ESYT3: variants seen among roughly 807,000 people sequenced by gnomAD.
ESYT3 encodes extended synaptotagmin 3.
ESYT3 carries 101 observed loss-of-function variants against 111.5 expected under a neutral mutation model. That is an observed-to-expected ratio of 0.91 (90% CI 0.77 to 1.07). ESYT3 has a LOEUF of 1.07. ESYT3 is among the 50% of genes least tolerant of loss of function. ESYT3 has a pLI of 0.00. For synonymous variants in ESYT3, 416 were observed against 446.8 expected (o/e 0.93, Z 0.87); for missense variants, 1,097 against 1,109.4 (o/e 0.99, Z 0.16).
In ESYT3 at chr3:138,478,402, G is replaced by A. The variant is rs939241922; in HGVS notation, c.*1548G>A. The A allele has an allele frequency of 1.3e-5, 2 of 152,152 alleles. No homozygotes were observed. Among genetic ancestry groups the A allele is most frequent in the African/African-American group, 2.4e-5 (1 of 41,436 alleles). 9.4% of individuals were successfully genotyped at this position (152,152 alleles called of 1,614,324 possible). A position where few individuals can be genotyped will look rare whatever the true frequency, so the allele number is the denominator to read the frequency against. On this transcript the variant is annotated 3_prime_UTR_variant, in exon 23 of 23. Transcript: ENST00000389567. ...TGGCAAATTCTCATAATAAAATGGA[G>A]CATTGATGCCTACCCTGTCTACCTT...
In ESYT3 at chr3:138,461,343, T is replaced by G. The variant is rs139381360; in HGVS notation, c.794+677T>G. Among the ~76,000 whole-genome samples, 394 of 152,158 alleles carry G rather than the reference T, an allele frequency of 2.6e-3. 1 individual carries two copies. The highest frequency in any genetic ancestry group is 4.1e-3 in the Non-Finnish European group (281 of 67,982). Reference sequence around the variant, plus strand: ...AGTGAGGAGTAGCTGGTCCTGGAGATCTCACCATCTGGGGGCAAGTGAAGG... The same window carrying G: ...AGTGAGGAGTAGCTGGTCCTGGAGAGCTCACCATCTGGGGGCAAGTGAAGG... On this transcript the variant is annotated intron_variant, in intron 7 of 22. Coordinates refer to ENST00000389567, the MANE Select transcript of ESYT3 (RefSeq NM_031913.5).
intron 1 of ESYT3, among the ~76,000 whole-genome samples, chr3:138,437,706 GA>G (rs1391924389): frequency 6.6e-6 from 1 of 152,140 alleles, no homozygotes; most frequent in African/African-American, 2.4e-5. Context: ...GGCCAGTTGG[GA>G]AGGTGATTTC....
rs574739325 is a variant in ESYT3, at chr3:138,435,635, C to A, written c.327+510C>A. Among the ~76,000 whole-genome samples the A allele has an allele frequency of 1.3e-5, 2 of 152,142 alleles. No individual in the cohort carries two copies. The highest frequency in any genetic ancestry group is 4.2e-4 in the South Asian group (2 of 4,816). On this transcript the variant is annotated intron_variant, in intron 1 of 22. Transcript: ENST00000389567. This position sits in a 1 kb window ranked among gnomAD's most constrained non-coding sequence, Gnocchi z 4.8. ...CTCCGCGGGGCTGGAGGTGGAGTGG[C>A]GGGTACGGCTGGGAGACCGACGGCG...
chr3:138,479,051 C>G lies in ESYT3; in HGVS notation c.*2197C>G, dbSNP rs2033610370. On this transcript the variant is annotated 3_prime_UTR_variant, in exon 23 of 23. Transcript: ENST00000389567. Reference sequence around the variant, plus strand: ...GCAGATGGCTGTCACTAAAGGGAAACTCACGGGCAAAAATAAATTATGAAA... The same window carrying G: ...GCAGATGGCTGTCACTAAAGGGAAAGTCACGGGCAAAAATAAATTATGAAA... The G allele has an allele frequency of 6.6e-6, 1 of 152,036 alleles. No homozygotes were observed. Among genetic ancestry groups the G allele is most frequent in the Non-Finnish European group, 1.5e-5 (1 of 68,020 alleles). The allele number at this position is 152,036 out of a possible 1,614,324, so 9.4% of individuals were successfully genotyped here.
At chr3:138,465,850 A>G (rs189436090) in intron 10 of ESYT3, among the ~76,000 whole-genome samples, 4 of 152,298 alleles carry the variant, frequency 2.6e-5, no homozygotes, top group Non-Finnish European at 5.9e-5. Context: ...CTGGCTATCA[A>G]AATTTAAAAC....
chr3:138,453,446 G>A (rs1475891268), intron 2 of ESYT3, among the ~76,000 whole-genome samples: 1 of 152,190 alleles, frequency 6.6e-6, no homozygotes, highest in African/African-American at 2.4e-5. Context: ...AAGACAGGAA[G>A]ATGAGACCAG....
intron 6 of ESYT3, 140 bp downstream of exon 6, chr3:138,460,174 A>T (rs138591151): frequency 8.7e-6 from 6 of 688,118 alleles, no homozygotes; most frequent in Non-Finnish European, 1.5e-5. Flanking sequence ...TCCTTATCTC[A>T]TTTAATCCTT....
chr3:138,472,941 A>G (rs943249899), intron 18 of ESYT3, 82 bp downstream of exon 18: 10 of 1,526,632 alleles, frequency 6.6e-6, no homozygotes, highest in Non-Finnish European at 7.9e-6. Context: ...ATATGAACTT[A>G]CATTTCTGTG....
chr3:138,446,277 G>T (rs2031533346), intron 1 of ESYT3, among the ~76,000 whole-genome samples: 7 of 152,210 alleles, frequency 4.6e-5, no homozygotes. Context: ...AGGAGTAGTG[G>T]ACGAAGTGGA....
intron 16 of ESYT3, 95 bp downstream of exon 16, chr3:138,470,241 G>A: frequency 6.8e-7 from 1 of 1,474,674 alleles, no homozygotes; most frequent in Non-Finnish European, 9.1e-7. Context: ...GGTTCTCCTG[G>A]CAGCGTTTAA....
chr3:138,473,136 A>G, intron 18 of ESYT3: 1 of 1,354,516 alleles, frequency 7.4e-7, no homozygotes, highest in Admixed American at 3.4e-5. Flanking sequence ...TACTGGGATG[A>G]CATGGAAAGC....
At chr3:138,460,828 G>T (rs1431124630) in intron 7 of ESYT3, among the ~76,000 whole-genome samples, 162 bp downstream of exon 7, 1 of 152,194 alleles carries the variant, frequency 6.6e-6, no homozygotes, top group East Asian at 1.9e-4. Context: ...AGGGTGTTGT[G>T]TGGCCTCTGT....
chr3:138,454,073 CAG>C (rs1456570917), intron 2 of ESYT3, among the ~76,000 whole-genome samples: 4 of 152,190 alleles, frequency 2.6e-5, no homozygotes, highest in South Asian at 2.1e-4. Flanking sequence ...GCTCGGGTAA[CAG>C]GGGGACCCTA....
chr3:138,434,683 C>A lies in ESYT3; in HGVS notation c.-116C>A. ...CGGCGCGCCGAGAGTCCCAGCAGGG[C>A]AAGGGGGCGCGGCGTCCTGGTCCTC... is the stretch of plus-strand genomic sequence containing the variant. On this transcript the variant is annotated 5_prime_UTR_variant, in exon 1 of 23. Coordinates refer to ENST00000389567, the MANE Select transcript of ESYT3 (RefSeq NM_031913.5). 1 of 961,590 alleles carries A rather than the reference C, an allele frequency of 1.0e-6. No homozygotes were observed. The highest frequency in any genetic ancestry group is 1.5e-6 in the Non-Finnish European group (1 of 673,648). 59.6% of individuals were successfully genotyped at this position (961,590 alleles called of 1,614,324 possible).
At position 138,468,123 on chromosome 3, in the gene ESYT3, A is replaced by G. The variant is rs1278075210; in HGVS notation, c.1237A>G (p.Thr413Ala). ...CCCACAGTGGTTTGTCCTGAATGAC[A>G]CAACCAGCGGGCGGCTGCACCTGCG... ...VVDEWFVLND[T>A]TSGRLHLRLE... Residue 413 changes from threonine (T) to alanine (A), a missense_variant, in exon 12 of 23, where the codon ACA becomes GCA. Coordinates refer to ENST00000389567, the MANE Select transcript of ESYT3 (RefSeq NM_031913.5). 3 of 1,614,002 alleles carry G rather than the reference A, an allele frequency of 1.9e-6. No individual in the cohort carries two copies. The highest frequency in any genetic ancestry group is 1.7e-5 in the Admixed American group (1 of 60,002).
chr3:138,445,087 C>T (rs759644341), intron 1 of ESYT3, among the ~76,000 whole-genome samples: 14 of 152,324 alleles, frequency 9.2e-5, no homozygotes, highest in African/African-American at 3.1e-4. Context: ...GGGCCCTGAC[C>T]GAGCAGCTGT....
intron 22 of ESYT3, 86 bp from the exon 23 acceptor site, chr3:138,476,732 C>T (rs994091395): frequency 4.4e-6 from 6 of 1,377,722 alleles, no homozygotes; most frequent in Non-Finnish European, 6.2e-6. Context: ...TTACAGAGGC[C>T]CAGGCAGGCA....
rs78634234 is a variant in ESYT3, at chr3:138,440,394, C to T, written c.327+5269C>T. On this transcript the variant is annotated intron_variant, in intron 1 of 22. Transcript: ENST00000389567. This position sits in a 1 kb window ranked among gnomAD's most constrained non-coding sequence, Gnocchi z 4.2. ...TTCTTTCTGTGGTTGGAGCAGCAGT[C>T]GTTCCAGGACCCAGGCTCTCAGGGT... 0.026 allele frequency among the ~76,000 whole-genome samples: 4,025 copies of T among 152,272 alleles called. 372 individuals are homozygous for T. The highest frequency in any genetic ancestry group is 0.18 in the Admixed American group (2,734 of 15,290).
intron 1 of ESYT3, among the ~76,000 whole-genome samples, chr3:138,438,153 C>G (rs997450103): frequency 3.9e-5 from 6 of 152,362 alleles, no homozygotes; most frequent in South Asian, 4.1e-4. Flanking sequence ...ATCTCTTCAT[C>G]ATCACATGCT....
Sources: gnomAD v4.1 joint callset for allele counts (sites outside exome capture counted in the v4.1 genomes callset) on GRCh38, gnomAD v4.1.1 for gene constraint, Gnocchi (gnomAD v3.1) non-coding constraint, MANE v1.5 for transcripts, NCBI Gene and HGNC (gene_info 2026-07-23, HGNC 2026-07-21) for gene names.